PCDHGB4: variants seen among roughly 807,000 people sequenced by gnomAD.
PCDHGB4 encodes protocadherin gamma subfamily B, 4.
PCDHGB4 carries 38 observed loss-of-function variants against 60.5 expected under a neutral mutation model. The observed-to-expected ratio is 0.63, with a 90% CI of 0.48 to 0.82. The LOEUF (loss-of-function observed/expected upper bound fraction) is 0.82, where lower values mean the gene tolerates loss of function less well. Ranked by LOEUF, PCDHGB4 falls within the 40% of genes least tolerant of loss-of-function variation. The probability of loss-of-function intolerance (pLI) is 0.00; values close to 1 mark genes in which losing one functional copy is unlikely to be tolerated. For synonymous variants in PCDHGB4, 456 were observed against 509.7 expected (o/e 0.89, Z 1.42); for missense variants, 1,109 against 1,209.6 (o/e 0.92, Z 1.23).
At chr5:141,455,984 G>A (rs1405675950) in intron 1 of PCDHGB4, among the ~76,000 whole-genome samples, 2 of 151,492 alleles carry the variant, frequency 1.3e-5, no homozygotes, top group East Asian at 1.9e-4. Context: ...TGCAAGCTCC[G>A]CCTCTCGGGT....
At chr5:141,394,519 C>A (rs1462431722) in intron 1 of PCDHGB4, 1 of 1,614,240 alleles carries the variant, frequency 6.2e-7, no homozygotes, top group South Asian at 1.1e-5. Context: ...GCCCTCCCCA[C>A]AGACGGTTCC....
intron 1 of PCDHGB4, chr5:141,410,123 C>A: frequency 1.2e-6 from 2 of 1,612,780 alleles, no homozygotes; most frequent in Non-Finnish European, 1.7e-6. Flanking sequence ...AGCCCGCCAG[C>A]GCCTGCTGGT....
chr5:141,466,933 C>A (rs1305734739), intron 1 of PCDHGB4, among the ~76,000 whole-genome samples: 1 of 152,100 alleles, frequency 6.6e-6, no homozygotes, highest in Non-Finnish European at 1.5e-5. Context: ...GAATATTAGT[C>A]CTTTGTCCAG....
At chr5:141,435,919 T>C (rs2097786247) in intron 1 of PCDHGB4, among the ~76,000 whole-genome samples, 2 of 152,148 alleles carry the variant, frequency 1.3e-5, no homozygotes, top group South Asian at 4.1e-4. Flanking sequence ...GGCTCTAAAA[T>C]GCGGCAGTTG....
rs371499368 is a variant in PCDHGB4 at position 141,414,269 on chromosome 5, C to T, written c.2397+23988C>T. The stretch of plus-strand genomic sequence containing the variant: ...TTTAGTCCAGTGACTGAAGATTCAC[C>T]TCTGGGAACAGTCGTAGCCCTTTTA... On this transcript the variant is annotated intron_variant, in intron 1 of 3. Coordinates refer to ENST00000519479, the MANE Select transcript of PCDHGB4 (RefSeq NM_003736.4). 8.1e-6 allele frequency: 13 copies of T among 1,613,266 alleles called. No homozygotes were observed. The African/African-American group carries it at 1.6e-4, about 20-fold the overall frequency.
chr5:141,419,746 G>A (rs1561783927), intron 1 of PCDHGB4: 2 of 1,613,896 alleles, frequency 1.2e-6, no homozygotes, highest in Admixed American at 1.7e-5. Context: ...TGCGCATGGT[G>A]CGTGCTTTGG....
rs1163353349 is a variant in PCDHGB4, at chr5:141,489,426, G to C, written c.2398-5381G>C. 6.2e-7 allele frequency: 1 copy of C among 1,614,012 alleles called. No homozygotes were observed. The highest frequency in any genetic ancestry group is 1.3e-5 in the African/African-American group (1 of 74,922). ...TAAAGATGACAGATCTGTTGAGCCGGCGGCTGCAATTGGGCTCTGAGGAGA... is the reference window on the plus strand; with the variant it reads ...TAAAGATGACAGATCTGTTGAGCCGCCGGCTGCAATTGGGCTCTGAGGAGA... On this transcript the variant is annotated intron_variant, in intron 1 of 3. Transcript: ENST00000519479. The surrounding 1 kb of genome is among the most constrained non-coding windows in gnomAD (Gnocchi z 4.5).
At position 141,486,218 on chromosome 5, in the gene PCDHGB4, T is replaced by A. The variant is rs1467104398; in HGVS notation, c.2398-8589T>A. The A allele has an allele frequency of 2.5e-6, 4 of 1,614,004 alleles. No homozygotes were observed. The African/African-American group carries it at 5.3e-5, about 22-fold the overall frequency. On this transcript the variant is annotated intron_variant, in intron 1 of 3. Transcript: ENST00000519479. The surrounding 1 kb of genome is among the most constrained non-coding windows in gnomAD (Gnocchi z 5.0). ...GCTGGACGTAAATGACAATGCCCCT[T>A]ACATCACAGTGACCTCAGAGCTTGG...
At chr5:141,505,532 G>A in intron 3 of PCDHGB4, 51 bp downstream of exon 3, 2 of 1,611,270 alleles carry the variant, frequency 1.2e-6, no homozygotes, top group Non-Finnish European at 1.7e-6. Context: ...GGGGTTCTGG[G>A]GTGCATCTCA....
chr5:141,389,438 C>T lies in PCDHGB4; in HGVS notation c.1554C>T (p.Phe518=), dbSNP rs781427097. Residue 518 remains phenylalanine, a synonymous_variant, in exon 1 of 4, where the codon TTC becomes TTT. Transcript: ENST00000519479. The part of the protein sequence containing the change: ...ESGVVFAQRA[F]DHEQLRAFEL... ...GGGTGGTGTTCGCGCAGCGCGCCTT[C>T]GACCACGAGCAGCTGCGCGCCTTCG... 1 of 1,610,592 alleles carries T rather than the reference C, an allele frequency of 6.2e-7. No homozygotes were observed. The highest frequency in any genetic ancestry group is 1.1e-5 in the South Asian group (1 of 90,812).
chr5:141,476,666 G>T lies in PCDHGB4; in HGVS notation c.2398-18141G>T. 9 of 1,614,246 alleles carry T rather than the reference G, an allele frequency of 5.6e-6. No homozygotes were observed. Among genetic ancestry groups the T allele is most frequent in the Non-Finnish European group, 7.6e-6 (9 of 1,180,044 alleles). ...CCGAAATGAATACTTTGCGCTTCGC[G>T]TGCAGACGCGGGAGGACAGCACCAA... On this transcript the variant is annotated intron_variant, in intron 1 of 3. Transcript: ENST00000519479. This position sits in a 1 kb window ranked among gnomAD's most constrained non-coding sequence, Gnocchi z 7.6.
Position 141,491,826 on chromosome 5 carries a change from C to A in PCDHGB4, c.2398-2981C>A. 1 of 1,477,526 alleles carries A rather than the reference C, an allele frequency of 6.8e-7. No homozygotes were observed. The highest frequency in any genetic ancestry group is 9.0e-7 in the Non-Finnish European group (1 of 1,114,486). The allele number at this position is 1,477,526 out of a possible 1,614,324, so 91.5% of individuals were successfully genotyped here. A position where few individuals can be genotyped will look rare whatever the true frequency, so the allele number is the denominator to read the frequency against. ...GGCTTGGTCGCTGGCTGCGCTCCAC[C>A]CGATTCTCGGGATCATTGGACCGTT... On this transcript the variant is annotated intron_variant, in intron 1 of 3. Transcript: ENST00000519479. The surrounding 1 kb of genome is among the most constrained non-coding windows in gnomAD (Gnocchi z 6.9).
chr5:141,401,350 A>G (rs1046893336), intron 1 of PCDHGB4, among the ~76,000 whole-genome samples: 2 of 152,226 alleles, frequency 1.3e-5, no homozygotes, highest in Non-Finnish European at 2.9e-5. Flanking sequence ...CTCAAAAAAA[A>G]GGAAGGAGAA....
In PCDHGB4 at chr5:141,472,879, G is replaced by A. The variant is rs541980402; in HGVS notation, c.2398-21928G>A. Among the ~76,000 whole-genome samples the A allele has an allele frequency of 3.3e-5, 5 of 151,694 alleles. No homozygotes were observed. The South Asian group carries it at 6.2e-4, about 19-fold the overall frequency. ...CACATGCCTGTATTCCCAGCTACTC[G>A]GGAGGCTGAGGCAGGAGAATTGCTT... On this transcript the variant is annotated intron_variant, in intron 1 of 3. Coordinates refer to ENST00000519479, the MANE Select transcript of PCDHGB4 (RefSeq NM_003736.4).
At chr5:141,394,154 C>A (rs770076493) in intron 1 of PCDHGB4, 1 of 1,613,918 alleles carries the variant, frequency 6.2e-7, no homozygotes, top group Admixed American at 1.7e-5. Context: ...ACATTAACGA[C>A]AACCCTCCTA....
Position 141,422,656 on chromosome 5 carries a change from G to T in PCDHGB4, c.2397+32375G>T, listed in dbSNP as rs759548203. The T allele has an allele frequency of 7.5e-6, 12 of 1,609,898 alleles. 1 individual carries two copies. The African/African-American group carries it at 1.1e-4, about 14-fold the overall frequency. On this transcript the variant is annotated intron_variant, in intron 1 of 3. Transcript: ENST00000519479. The stretch of plus-strand genomic sequence containing the variant: ...GGGTGCCTCCATCTTCTCAGTGACC[G>T]CCCTCGACCCGGACAGCAAACAGAA...
At chr5:141,449,531 G>A (rs1421489293) in intron 1 of PCDHGB4, among the ~76,000 whole-genome samples, 2 of 149,216 alleles carry the variant, frequency 1.3e-5, no homozygotes, top group Admixed American at 6.7e-5. Flanking sequence ...GGAGGTTGCA[G>A]TGAGCCGAGA....
In PCDHGB4 at chr5:141,432,006, C is replaced by T. The variant is rs138689793; in HGVS notation, c.2397+41725C>T. Reference sequence around the variant, plus strand: ...ATAGTCTTGGATAGGGAACAGGTTCCTAGCTACAACATCACAGTGACCGCC... The same window carrying T: ...ATAGTCTTGGATAGGGAACAGGTTCTTAGCTACAACATCACAGTGACCGCC... On this transcript the variant is annotated intron_variant, in intron 1 of 3. Transcript: ENST00000519479. This position sits in a 1 kb window ranked among gnomAD's most constrained non-coding sequence, Gnocchi z 6.0. The T allele has an allele frequency of 2.6e-4, 412 of 1,614,186 alleles. 2 individuals carry two copies. The African/African-American group carries it at 4.6e-3, about 18-fold the overall frequency.
At chr5:141,392,249 T>C (rs1474806816) in intron 1 of PCDHGB4, 1 of 152,206 alleles carries the variant, frequency 6.6e-6, no homozygotes, top group Non-Finnish European at 1.5e-5. Context: ...TTTGTTAGTA[T>C]ATATTGGAGA....
Sources: allele counts gnomAD v4.1 joint callset (sites outside exome capture counted in the v4.1 genomes callset), GRCh38; gene constraint gnomAD v4.1.1; non-coding constraint Gnocchi (gnomAD v3.1); transcripts MANE v1.5; gene names NCBI Gene and HGNC (gene_info 2026-07-23, HGNC 2026-07-21).